Variants in KL observed in about 807,000 individuals in gnomAD.
KL encodes klotho, also known as alpha-klotho.
KL carries 62 observed loss-of-function variants against 84.2 expected under a neutral mutation model. That is an observed-to-expected ratio of 0.74 (90% CI 0.60 to 0.91). The LOEUF is 0.91. Ranked by LOEUF, KL falls within the 40% of genes least tolerant of loss-of-function variation. The pLI is 0.00. For missense variants in KL, 1,261 were observed against 1,305.7 expected (o/e 0.97, Z 0.53); for synonymous variants, 528 against 528.0 (o/e 1.00, Z 0.00).
At chr13:33,059,705 T>A (rs1392590922) in intron 3 of KL, among the ~76,000 whole-genome samples, 1 of 152,202 alleles carries the variant, frequency 6.6e-6, no homozygotes, top group East Asian at 1.9e-4. Flanking sequence ...ACTCCTGATC[T>A]CATGATCTGC....
chr13:33,064,304 A>C lies in KL; in HGVS notation c.*118A>C. On this transcript the variant is annotated 3_prime_UTR_variant, in exon 5 of 5. Coordinates refer to ENST00000380099, the MANE Select transcript of KL (RefSeq NM_004795.4). ...AATTTCATACATTTGACTTCTAGAA[A>C]ACATTTTTGTGGCTTATGACAGAGG... The C allele has an allele frequency of 1.2e-6, 1 of 807,314 alleles. No individual in the cohort carries two copies. Among genetic ancestry groups the C allele is most frequent in the East Asian group, 2.6e-5 (1 of 37,756 alleles). The allele number at this position is 807,314 out of a possible 1,614,324, so 50.0% of individuals were successfully genotyped here. A position where few individuals can be genotyped will look rare whatever the true frequency, so the allele number is the denominator to read the frequency against.
In KL at chr13:33,061,302, C is replaced by A; in HGVS notation, c.2223C>A (p.Phe741Leu). ...ATTGGATAGAACCTGCCTGCCCTTT[C>A]TCCCAAAAGGACAAAGAGGTGGCTG... Reference protein sequence around the residue: ...QADWIEPACPFSQKDKEVAER... With the variant: ...QADWIEPACPLSQKDKEVAER... Residue 741 changes from phenylalanine to leucine, a missense_variant, in exon 4 of 5, where the codon TTC (phenylalanine) becomes TTA (leucine). Coordinates refer to ENST00000380099, the MANE Select transcript of KL (RefSeq NM_004795.4). 6.2e-7 allele frequency: 1 copy of A among 1,614,218 alleles called. No individual in the cohort carries two copies. Among genetic ancestry groups the A allele is most frequent in the Non-Finnish European group, 8.5e-7 (1 of 1,180,046 alleles).
At chr13:33,063,172 C>T (rs1443149956) in intron 4 of KL, among the ~76,000 whole-genome samples, 1 of 151,598 alleles carries the variant, frequency 6.6e-6, no homozygotes, top group African/African-American at 2.4e-5. Flanking sequence ...CCATGGTAAC[C>T]TATGAATGTC....
intron 1 of KL, among the ~76,000 whole-genome samples, chr13:33,026,165 T>G (rs896417461): frequency 6.6e-6 from 1 of 151,610 alleles, no homozygotes; most frequent in Non-Finnish European, 1.5e-5. Flanking sequence ...CTGGGCTCTC[T>G]CTAGCCTCTG....
intron 2 of KL, among the ~76,000 whole-genome samples, chr13:33,054,560 A>G (rs1215165414): frequency 1.3e-5 from 2 of 152,270 alleles, no homozygotes; most frequent in African/African-American, 4.8e-5. Context: ...AATTGAACAT[A>G]AAACAAATCC....
chr13:33,047,134 G>A (rs2138222862), intron 1 of KL, among the ~76,000 whole-genome samples: 1 of 151,986 alleles, frequency 6.6e-6, no homozygotes, highest in East Asian at 1.9e-4. Context: ...TTAGGTGGGT[G>A]GCATGTTCTA....
chr13:33,046,734 T>C (rs1476586542), intron 1 of KL, among the ~76,000 whole-genome samples: 1 of 140,880 alleles, frequency 7.1e-6, no homozygotes, highest in African/African-American at 2.6e-5. Context: ...GACTAAGTTA[T>C]TGAGATATAT....
chr13:33,062,219 A>C (rs1382802995), intron 4 of KL, among the ~76,000 whole-genome samples: 3 of 152,066 alleles, frequency 2.0e-5, no homozygotes. Flanking sequence ...TCTCTACTAA[A>C]AATCACAAAA....
intron 3 of KL, 158 bp downstream of exon 3, chr13:33,055,473 C>A: frequency 1.2e-6 from 1 of 802,836 alleles, no homozygotes; most frequent in African/African-American, 1.7e-5. Flanking sequence ...GAATGCTGCA[C>A]CCTTCTCTCC....
At chr13:33,046,746 TTG>T (rs1555334422) in intron 1 of KL, among the ~76,000 whole-genome samples, 3,144 of 67,758 alleles carry the variant, frequency 0.046, 111 homozygotes, top group African/African-American at 0.087. Flanking sequence ...GAGATATATC[TTG>T]TTTTTTTTTT....
chr13:33,053,644 T>C, intron 1 of KL, 123 bp from the exon 2 acceptor site: 4 of 934,256 alleles, frequency 4.3e-6, no homozygotes, highest in Non-Finnish European at 6.7e-6. Flanking sequence ...CTGATTTTTA[T>C]ATTGTTAGTC....
At chr13:33,031,454 A>G (rs1452406589) in intron 1 of KL, among the ~76,000 whole-genome samples, 1 of 152,166 alleles carries the variant, frequency 6.6e-6, no homozygotes, top group Admixed American at 6.5e-5. Flanking sequence ...TCACATATAG[A>G]ATATTCTGCA....
chr13:33,048,767 C>T (rs1356808566), intron 1 of KL, among the ~76,000 whole-genome samples: 3 of 152,172 alleles, frequency 2.0e-5, no homozygotes, highest in African/African-American at 7.2e-5. Context: ...TTCCTTCCAC[C>T]CACCATTTAA....
chr13:33,032,275 G>A (rs568461530), intron 1 of KL, among the ~76,000 whole-genome samples: 2 of 152,292 alleles, frequency 1.3e-5, no homozygotes, highest in South Asian at 2.1e-4. Context: ...CTATTTCTGC[G>A]TAATTCCCCC....
chr13:33,045,958 T>TA (rs1417362202), intron 1 of KL, among the ~76,000 whole-genome samples: 7 of 152,234 alleles, frequency 4.6e-5, no homozygotes, highest in African/African-American at 9.6e-5. Flanking sequence ...CGATTTTTTT[T>TA]AATGTTTACC....
Position 33,064,247 on chromosome 13 carries a change from C to G in KL, c.*61C>G, listed in dbSNP as rs1014685602. The G allele has an allele frequency of 8.3e-7, 1 of 1,210,826 alleles. No individual in the cohort carries two copies. The highest frequency in any genetic ancestry group is 1.2e-6 in the Non-Finnish European group (1 of 837,128). 75.0% of individuals were successfully genotyped at this position (1,210,826 alleles called of 1,614,324 possible). A position where few individuals can be genotyped will look rare whatever the true frequency, so the allele number is the denominator to read the frequency against. On this transcript the variant is annotated 3_prime_UTR_variant, in exon 5 of 5. Transcript: ENST00000380099. Reference sequence around the variant, plus strand: ...ATTATGCAGACACATCAGCTGTTAACCATTTGCACCTCTAAGTGTTGTGAA... The same window carrying G: ...ATTATGCAGACACATCAGCTGTTAAGCATTTGCACCTCTAAGTGTTGTGAA...
chr13:33,016,522 GGCC>G lies in KL; in HGVS notation c.89_91del (p.Arg30del). Reference sequence around the variant, plus strand: ...GCTGCTGGTGCTGCTGGGCCTGGGCGGCCGCCGCCTGCGTGCGGAGCCGGGCGA... The same window carrying G: ...GCTGCTGGTGCTGCTGGGCCTGGGCGGCCGCCTGCGTGCGGAGCCGGGCGA... On this transcript the variant is annotated inframe_deletion, in exon 1 of 5. Transcript: ENST00000380099. The G allele has an allele frequency of 7.5e-7, 1 of 1,329,408 alleles. No individual in the cohort carries two copies. Among genetic ancestry groups the G allele is most frequent in the Non-Finnish European group, 9.6e-7 (1 of 1,044,946 alleles). The allele number at this position is 1,329,408 out of a possible 1,614,324, so 82.4% of individuals were successfully genotyped here.
chr13:33,039,445 G>A (rs1472407278), intron 1 of KL, among the ~76,000 whole-genome samples: 1 of 152,040 alleles, frequency 6.6e-6, no homozygotes, highest in African/African-American at 2.4e-5. Context: ...TTGTTGTGGG[G>A]GAGTATAATA....
In KL at chr13:33,061,251, G is replaced by A. The variant is rs749586705; in HGVS notation, c.2172G>A (p.Gly724=). The A allele has an allele frequency of 1.9e-6, 3 of 1,614,110 alleles. No individual in the cohort carries two copies. The highest frequency in any genetic ancestry group is 2.7e-5 in the African/African-American group (2 of 74,944). The change falls in exon 4 of 5, where the codon GGG becomes GGA. Residue 724 remains glycine (G), a synonymous_variant. Transcript: ENST00000380099. ...YNEKFRHAQN[G]KISIALQADW... ...AAAAGTTTAGGCATGCTCAGAATGG[G>A]AAAATATCCATAGCCTTGCAGGCTG...
Sources: allele counts gnomAD v4.1 joint callset (sites outside exome capture counted in the v4.1 genomes callset), GRCh38; gene constraint gnomAD v4.1.1; transcripts MANE v1.5; gene names NCBI Gene and HGNC (gene_info 2026-07-23, HGNC 2026-07-21).